ZNF100: variants seen among roughly 807,000 people sequenced by gnomAD.
ZNF100 encodes zinc finger protein 100, also known as zinc finger protein 100 (Y1).
A neutral mutation model predicts 15.8 loss-of-function variants in ZNF100; 12 were observed. The ratio of observed to expected loss-of-function variants is 0.76; its 90% CI spans 0.49 to 1.23. The LOEUF (loss-of-function observed/expected upper bound fraction) is 1.23. ZNF100 is among the 50% of genes most tolerant of loss of function. ZNF100 has a pLI of 0.00. For synonymous variants in ZNF100, 226 were observed against 214.8 expected, an observed-to-expected ratio of 1.05 and a Z score of -0.45; for missense variants, 670 against 635.6, an observed-to-expected ratio of 1.05 and a Z score of -0.58.
At chr19:21,762,217 C>T (rs1344537733) in intron 2 of ZNF100, among the ~76,000 whole-genome samples, 1 of 152,122 alleles carries the variant, frequency 6.6e-6, no homozygotes, top group Non-Finnish European at 1.5e-5. Flanking sequence ...ACAAAACAGT[C>T]ACAAAGCTTA....
rs1214101293 is a variant in ZNF100 at position 21,725,552 on chromosome 19, TAAA to T, written c.*1128_*1130del. The T allele has an allele frequency of 3.3e-5, 5 of 152,048 alleles. No individual in the cohort carries two copies. The highest frequency in any genetic ancestry group is 1.9e-4 in the East Asian group (1 of 5,192). 9.4% of individuals were successfully genotyped at this position (152,048 alleles called of 1,614,324 possible). ...AAGTTTATAAATAATGCTCACCTAA[TAAA>T]AAAGAATCTCTCATATCTGATGCAG... On this transcript the variant is annotated 3_prime_UTR_variant, in exon 5 of 5. Coordinates refer to ENST00000358296, the MANE Select transcript of ZNF100 (RefSeq NM_173531.4).
intron 4 of ZNF100, among the ~76,000 whole-genome samples, chr19:21,735,194 A>G (rs2035986210): frequency 6.6e-6 from 1 of 152,208 alleles, no homozygotes; most frequent in Non-Finnish European, 1.5e-5. Flanking sequence ...AAATTCACAC[A>G]TAACAATATT....
At chr19:21,751,488 TAGAA>T in intron 2 of ZNF100, 2 of 991,622 alleles carry the variant, frequency 2.0e-6, no homozygotes, top group Non-Finnish European at 3.3e-6. Flanking sequence ...CTGGTTTACT[TAGAA>T]AGGCTTTTAA....
At chr19:21,731,310 TTTATTTTTTA>T (rs1234679471) in intron 4 of ZNF100, among the ~76,000 whole-genome samples, 3 of 145,328 alleles carry the variant, frequency 2.1e-5, no homozygotes, top group African/African-American at 8.4e-5. Context: ...TCCTTTTTTT[TTTATTTTTTA>T]TTTTTTGAGA....
chr19:21,733,786 G>C (rs2035963315), intron 4 of ZNF100, among the ~76,000 whole-genome samples: 1 of 152,226 alleles, frequency 6.6e-6, no homozygotes, highest in Non-Finnish European at 1.5e-5. Flanking sequence ...GGCATTGTAA[G>C]ACAACTTATA....
In ZNF100 at chr19:21,725,874, TTAA is replaced by T. The variant is rs1183850202; in HGVS notation, c.*806_*808del. Reference sequence around the variant, plus strand: ...TGTAAATTCTCTGATATTTACAGACTTAATGATTAAAATTTTTAAAAAATTTTT... The same window carrying T: ...TGTAAATTCTCTGATATTTACAGACTTGATTAAAATTTTTAAAAAATTTTT... On this transcript the variant is annotated 3_prime_UTR_variant, in exon 5 of 5. Transcript: ENST00000358296. 1 of 140,606 alleles carries T rather than the reference TTAA, an allele frequency of 7.1e-6. No homozygotes were observed. The highest frequency in any genetic ancestry group is 3.0e-5 in the African/African-American group (1 of 33,890). The allele number at this position is 140,606 out of a possible 1,614,324, so 8.7% of individuals were successfully genotyped here.
intron 2 of ZNF100, among the ~76,000 whole-genome samples, chr19:21,760,754 GTTTTTT>G (rs59317162): frequency 2.0e-5 from 2 of 102,092 alleles, no homozygotes; most frequent in South Asian, 3.6e-4. Context: ...GAACTTTCTT[GTTTTTT>G]TTTTTTTTTT....
At chr19:21,745,276 C>T (rs1408103572) in intron 2 of ZNF100, among the ~76,000 whole-genome samples, 7 of 152,140 alleles carry the variant, frequency 4.6e-5, no homozygotes, top group African/African-American at 1.2e-4. Context: ...TCCACAACAC[C>T]AGTGTATATA....
chr19:21,734,513 A>G (rs1201834453), intron 4 of ZNF100, among the ~76,000 whole-genome samples: 3 of 152,198 alleles, frequency 2.0e-5, no homozygotes, highest in Non-Finnish European at 4.4e-5. Context: ...TGAAAAAATA[A>G]AAATAAAAAG....
intron 2 of ZNF100, chr19:21,746,834 A>C (rs565061956): frequency 5.9e-5 from 9 of 151,976 alleles, no homozygotes; most frequent in South Asian, 2.1e-4. Context: ...AGAAAAAAAA[A>C]CATCATTTTT....
chr19:21,736,796 T>C (rs2036015290), intron 4 of ZNF100, among the ~76,000 whole-genome samples: 1 of 152,152 alleles, frequency 6.6e-6, no homozygotes, highest in African/African-American at 2.4e-5. Flanking sequence ...GAATGACTTC[T>C]GAGTAAATAA....
intron 4 of ZNF100, among the ~76,000 whole-genome samples, chr19:21,733,745 T>A (rs187464059): frequency 7.9e-5 from 12 of 152,384 alleles, no homozygotes; most frequent in Non-Finnish European, 1.3e-4. Context: ...ATCCTGTGCA[T>A]CCTGACTGAG....
chr19:21,757,342 G>A (rs1479344713), intron 2 of ZNF100, among the ~76,000 whole-genome samples: 1 of 152,210 alleles, frequency 6.6e-6, no homozygotes, highest in East Asian at 1.9e-4. Context: ...AGAGGCTGAG[G>A]CATGAGAAAT....
chr19:21,759,098 C>T lies in ZNF100; in HGVS notation c.96+6596G>A, dbSNP rs73931079. On this transcript the variant is annotated intron_variant, in intron 2 of 4. Coordinates refer to ENST00000358296, the MANE Select transcript of ZNF100 (RefSeq NM_173531.4). ...TTCAAGGTTTAGTCTCATAACATTG[C>T]CCTCTTTGCAGTTGCCAGTCACAAA... is the stretch of plus-strand genomic sequence containing the variant. Among the ~76,000 whole-genome samples, 356 of 152,262 alleles carry T rather than the reference C, an allele frequency of 2.3e-3. 1 individual carries two copies. The highest frequency in any genetic ancestry group is 8.2e-3 in the African/African-American group (340 of 41,530).
At chr19:21,729,433 G>C (rs74167877) in intron 4 of ZNF100, among the ~76,000 whole-genome samples, 6 of 149,860 alleles carry the variant, frequency 4.0e-5, no homozygotes, top group African/African-American at 7.4e-5. Flanking sequence ...CTTTCGGGAG[G>C]GGGGAGGGAT....
intron 4 of ZNF100, among the ~76,000 whole-genome samples, chr19:21,740,541 T>G (rs900395688): frequency 6.6e-6 from 1 of 151,894 alleles, no homozygotes; most frequent in South Asian, 2.1e-4. Context: ...GTGAAAATAT[T>G]TGCAAGTCAC....
At chr19:21,736,545 G>T (rs1456687932) in intron 4 of ZNF100, among the ~76,000 whole-genome samples, 9 of 152,224 alleles carry the variant, frequency 5.9e-5, no homozygotes, top group African/African-American at 1.9e-4. Flanking sequence ...TCTAGGTCAA[G>T]TGGACCTGAT....
chr19:21,749,675 G>A (rs1230055190), intron 2 of ZNF100, among the ~76,000 whole-genome samples: 3 of 152,134 alleles, frequency 2.0e-5, no homozygotes, highest in Non-Finnish European at 4.4e-5. Context: ...TAAGATGCTC[G>A]TTTACACTTA....
intron 2 of ZNF100, chr19:21,752,970 G>A (rs2036334849): frequency 6.6e-6 from 1 of 152,222 alleles, no homozygotes; most frequent in Non-Finnish European, 1.5e-5. Flanking sequence ...CCACACGAGT[G>A]GCTGGGACTG....
Sources: gnomAD v4.1 joint callset for allele counts (sites outside exome capture counted in the v4.1 genomes callset) on GRCh38, gnomAD v4.1.1 for gene constraint, MANE v1.5 for transcripts, NCBI Gene and HGNC (gene_info 2026-07-23, HGNC 2026-07-21) for gene names.